The following PSMD4 variants were observed in gnomAD, a reference collection of about 807,000 sequenced individuals.
PSMD4 encodes proteasome 26S subunit ubiquitin receptor, non-ATPase 4, also known as 26S proteasome non-ATPase regulatory subunit 4.
PSMD4 carries 5 observed loss-of-function variants against 39.7 expected under a neutral mutation model. The ratio of observed to expected loss-of-function variants is 0.13; its 90% confidence interval spans 0.07 to 0.26. The LOEUF is 0.26. Ranked by LOEUF, PSMD4 falls within the 10% of genes least tolerant of loss-of-function variation. The probability of loss-of-function intolerance (pLI) is 1.00; values close to 1 mark genes in which losing one functional copy is unlikely to be tolerated. For missense variants in PSMD4, 272 were observed against 486.1 expected (o/e 0.56, Z 4.14); for synonymous variants, 143 against 174.6 (o/e 0.82, Z 1.43).
rs1225132684 is a variant in PSMD4, at chr1:151,265,588, T to G, written c.633T>G (p.Ser211Arg). 1 of 1,614,072 alleles carries G rather than the reference T, an allele frequency of 6.2e-7. No individual in the cohort carries two copies. Among genetic ancestry groups the G allele is most frequent in the Non-Finnish European group, 8.5e-7 (1 of 1,179,958 alleles). Residue 211 changes from serine to arginine, a missense_variant, in exon 6 of 10, where the codon AGT (serine) becomes AGG (arginine). By Grantham distance (110) the Ser-to-Arg change is moderately radical (BLOSUM62 -1). Transcript: ENST00000368884. The part of the protein sequence containing the change: ...ASDFEFGVDP[S>R]ADPELALALR... The stretch of plus-strand genomic sequence containing the variant: ...ACTTTGAATTTGGAGTAGATCCCAG[T>G]GCTGATCCTGAGCTGGCCTTGGTGA...
chr1:151,265,351 A>G (rs780409780), intron 5 of PSMD4, 43 bp from the exon 6 acceptor site: 2 of 1,606,380 alleles, frequency 1.2e-6, no homozygotes, highest in Non-Finnish European at 8.5e-7. Flanking sequence ...AAGAACAGGG[A>G]GCAAGGCCTG....
In PSMD4 at chr1:151,264,820, T is replaced by A; in HGVS notation, c.283-12T>A. ...TCTGGTTAACTCTGAGAACTTCCTC[T>A]CCCTTTACAAGCTGGCTCTGAAGCA... On this transcript the variant is annotated splice_polypyrimidine_tract_variant and intron_variant, in intron 3 of 9. Transcript: ENST00000368884. 6.2e-7 allele frequency: 1 copy of A among 1,600,746 alleles called. No homozygotes were observed. The highest frequency in any genetic ancestry group is 8.6e-7 in the Non-Finnish European group (1 of 1,168,514).
intron 1 of PSMD4, among the ~76,000 whole-genome samples, chr1:151,257,386 G>C (rs1326787812): frequency 6.6e-6 from 1 of 152,064 alleles, no homozygotes; most frequent in African/African-American, 2.4e-5. Flanking sequence ...CTCCAGCTTT[G>C]TTCTTTTAGC....
At chr1:151,256,729 T>C (rs1571065514) in intron 1 of PSMD4, among the ~76,000 whole-genome samples, 2 of 150,320 alleles carry the variant, frequency 1.3e-5, no homozygotes, top group Admixed American at 1.3e-4. Context: ...TGAGCCACTG[T>C]GCCCGGCTCC....
intron 1 of PSMD4, 101 bp from the exon 2 acceptor site, chr1:151,262,060 G>C: frequency 7.8e-7 from 1 of 1,281,662 alleles, no homozygotes; most frequent in South Asian, 1.3e-5. Flanking sequence ...TACAGGTGAT[G>C]CTATGAAGAC....
intron 1 of PSMD4, 128 bp from the exon 2 acceptor site, chr1:151,262,033 T>A: frequency 1.0e-6 from 1 of 975,898 alleles, no homozygotes; most frequent in Non-Finnish European, 1.5e-6. Context: ...TCTGTATATT[T>A]AAAAAAGAAA....
intron 1 of PSMD4, among the ~76,000 whole-genome samples, chr1:151,256,267 C>T (rs1230427644): frequency 6.7e-6 from 1 of 149,616 alleles, no homozygotes; most frequent in Non-Finnish European, 1.5e-5. Flanking sequence ...TCGTTTGAAC[C>T]CCGGAGGTGG....
Position 151,265,154 on chromosome 1 carries a change from CCTT to C in PSMD4, c.370-7_370-5del. ...GGAACAGATTTCTTGATTTTTCTCCCCTTCTTCCCAGCTGGTGAAACTGGCTAA... is the reference window on the plus strand; with the variant it reads ...GGAACAGATTTCTTGATTTTTCTCCCCTTCCCAGCTGGTGAAACTGGCTAA... On this transcript the variant is annotated splice_polypyrimidine_tract_variant and intron_variant, in intron 4 of 9. Coordinates refer to ENST00000368884, the MANE Select transcript of PSMD4 (RefSeq NM_002810.4). The C allele has an allele frequency of 6.2e-7, 1 of 1,603,924 alleles. No individual in the cohort carries two copies. Among genetic ancestry groups the C allele is most frequent in the Non-Finnish European group, 8.5e-7 (1 of 1,175,776 alleles).
At chr1:151,265,125 G>A (rs587733224) in intron 4 of PSMD4, 41 bp from the exon 5 acceptor site, 2 of 1,558,042 alleles carry the variant, frequency 1.3e-6, no homozygotes, top group East Asian at 2.3e-5. Flanking sequence ...CCCCCCTCGA[G>A]TATGGAACAG....
At chr1:151,262,659 A>C (rs1571069891) in intron 2 of PSMD4, 3 of 217,650 alleles carry the variant, frequency 1.4e-5, no homozygotes, top group Admixed American at 5.3e-5. Flanking sequence ...ACAGGACAAA[A>C]CCCTGTCTCT....
At position 151,262,320 on chromosome 1, in the gene PSMD4, G is replaced by GA. The variant is rs774456708; in HGVS notation, c.167+20dup. ...TGGCTAAGTATGGGGGACAGAGGAG[G>GA]AGGGGACTCAGTAGGTGGGTGGTTG... On this transcript the variant is annotated intron_variant, in intron 2 of 9. Transcript: ENST00000368884. The GA allele has an allele frequency of 1.2e-6, 2 of 1,614,174 alleles. No homozygotes were observed. The highest frequency in any genetic ancestry group is 3.3e-5 in the Admixed American group (2 of 60,010).
intron 1 of PSMD4, among the ~76,000 whole-genome samples, chr1:151,255,876 G>A (rs967616178): frequency 9.9e-5 from 15 of 151,892 alleles, no homozygotes; most frequent in Admixed American, 9.8e-4. Flanking sequence ...ATAGAACAGT[G>A]TTCTCTTTTC....
At position 151,263,903 on chromosome 1, in the gene PSMD4, C is replaced by T; in HGVS notation, c.168-11C>T. 2 of 1,543,182 alleles carry T rather than the reference C, an allele frequency of 1.3e-6. No homozygotes were observed. Among genetic ancestry groups the T allele is most frequent in the Non-Finnish European group, 1.8e-6 (2 of 1,134,208 alleles). On this transcript the variant is annotated splice_polypyrimidine_tract_variant and intron_variant, in intron 2 of 9. Coordinates refer to ENST00000368884, the MANE Select transcript of PSMD4 (RefSeq NM_002810.4). ...ACCTGAATTCACTGAAATGCTTTTC[C>T]TACATCCCAGTGACTGTGAAGTGCT...
intron 2 of PSMD4, chr1:151,262,543 A>C (rs1185510392): frequency 2.0e-6 from 1 of 498,772 alleles, no homozygotes; most frequent in Non-Finnish European, 3.6e-6. Flanking sequence ...GGGCTAGGGT[A>C]GGGGGTGAAA....
rs1693395658 is a variant in PSMD4, at chr1:151,264,926, C to G, written c.369+8C>G. ...GAGGACAATGAGAAGGATGTGAGTC[C>G]AAGTGGCAGCTGGGGAATGTGGGGA... On this transcript the variant is annotated splice_region_variant and intron_variant, in intron 4 of 9. Transcript: ENST00000368884. The G allele has an allele frequency of 1.2e-6, 2 of 1,603,298 alleles. No individual in the cohort carries two copies. The highest frequency in any genetic ancestry group is 2.7e-5 in the African/African-American group (2 of 74,652).
At position 151,265,402 on chromosome 1, in the gene PSMD4, C is replaced by G. The variant is rs1048889380; in HGVS notation, c.447C>G (p.Asn149Lys). 1 of 1,614,166 alleles carries G rather than the reference C, an allele frequency of 6.2e-7. No individual in the cohort carries two copies. Among genetic ancestry groups the G allele is most frequent in the East Asian group, 2.2e-5 (1 of 44,880 alleles). ...TGTTCTTTCCTCCCCAGGAGGTGAA[C>G]ACAGAAAAGCTGACAGCCTTTGTAA... ...DIINFGEEEV[N>K]TEKLTAFVNT... Residue 149 changes from asparagine (N) to lysine (K), a missense_variant, in exon 6 of 10, where the codon AAC becomes AAG. Coordinates refer to ENST00000368884, the MANE Select transcript of PSMD4 (RefSeq NM_002810.4).
chr1:151,256,415 G>C (rs1693171576), intron 1 of PSMD4, among the ~76,000 whole-genome samples: 1 of 148,534 alleles, frequency 6.7e-6, no homozygotes, highest in Admixed American at 6.7e-5. Context: ...TCTGATGTCT[G>C]TTCATGTCCT....
intron 1 of PSMD4, among the ~76,000 whole-genome samples, chr1:151,256,551 G>T (rs991880745): frequency 8.1e-5 from 12 of 148,770 alleles, no homozygotes; most frequent in Non-Finnish European, 1.8e-4. Context: ...TGATTCTCCT[G>T]CCTCAGCCTC....
In PSMD4 at chr1:151,265,373, CAT is replaced by C. The variant is rs1693407934; in HGVS notation, c.439-20_439-19del. 6.2e-7 allele frequency: 1 copy of C among 1,611,956 alleles called. No homozygotes were observed. Among genetic ancestry groups the C allele is most frequent in the African/African-American group, 1.3e-5 (1 of 74,882 alleles). On this transcript the variant is annotated intron_variant, in intron 5 of 9. Transcript: ENST00000368884. ...GGGAGCAAGGCCTGAAGAAGGGCAT[CAT>C]GTGTTCTTTCCTCCCCAGGAGGTGA...
Sources: gnomAD v4.1 joint callset for allele counts (sites outside exome capture counted in the v4.1 genomes callset) on GRCh38, gnomAD v4.1.1 for gene constraint, MANE v1.5 for transcripts, NCBI Gene and HGNC (gene_info 2026-07-23, HGNC 2026-07-21) for gene names.